NPR2: variants seen among roughly 807,000 people sequenced by gnomAD.
NPR2 encodes the protein atrial natriuretic peptide receptor 2.
A neutral mutation model predicts 120.7 loss-of-function variants in NPR2; 49 were observed. That is an observed-to-expected ratio of 0.41 (90% CI 0.32 to 0.52). The LOEUF (loss-of-function observed/expected upper bound fraction) is 0.52, where lower values mean the gene tolerates loss of function less well. Among genes scored for constraint, NPR2 ranks in the 20% least tolerant of loss-of-function variants. The pLI, the probability that NPR2 is intolerant of heterozygous loss-of-function variation, is 0.36. For synonymous variants in NPR2, 484 were observed against 519.8 expected (o/e 0.93, Z 0.94); for missense variants, 931 against 1,362.9 (o/e 0.68, Z 4.99).
At chr9:35,799,800 C>T in intron 3 of NPR2, 69 bp downstream of exon 3, 1 of 1,455,904 alleles carries the variant, frequency 6.9e-7, no homozygotes, top group Non-Finnish European at 9.6e-7. Flanking sequence ...CCAAACTCAG[C>T]ATCAAGTCTT....
In NPR2 at chr9:35,800,688, C is replaced by T; in HGVS notation, c.1219-21C>T. 1 of 1,614,034 alleles carries T rather than the reference C, an allele frequency of 6.2e-7. No individual in the cohort carries two copies. Among genetic ancestry groups the T allele is most frequent in the Non-Finnish European group, 8.5e-7 (1 of 1,180,002 alleles). On this transcript the variant is annotated intron_variant, in intron 5 of 21. Coordinates refer to ENST00000342694, the MANE Select transcript of NPR2 (RefSeq NM_003995.4). This position sits in a 1 kb window ranked among gnomAD's most constrained non-coding sequence, Gnocchi z 4.7. ...GCTGGTGGGAGCAGGCCTGTGGGCC[C>T]AGCTTTTTGCTTCCTTACAGCCTGC... is the stretch of plus-strand genomic sequence containing the variant.
chr9:35,802,670 C>A lies in NPR2; in HGVS notation c.1816-62C>A. 1 of 1,474,536 alleles carries A rather than the reference C, an allele frequency of 6.8e-7. No individual in the cohort carries two copies. Among genetic ancestry groups the A allele is most frequent in the Non-Finnish European group, 9.5e-7 (1 of 1,052,752 alleles). The allele number at this position is 1,474,536 out of a possible 1,614,324, so 91.3% of individuals were successfully genotyped here. On this transcript the variant is annotated intron_variant, in intron 11 of 21. Coordinates refer to ENST00000342694, the MANE Select transcript of NPR2 (RefSeq NM_003995.4). The surrounding 1 kb of genome is among the most constrained non-coding windows in gnomAD (Gnocchi z 4.2). ...AAGGATAGACCCAAAGTTATACTGA[C>A]TCTATGCTGGGTGATAGCTGGTGGG...
Position 35,791,985 on chromosome 9 carries a change from C to A in NPR2, c.-424C>A, listed in dbSNP as rs893633522. The stretch of plus-strand genomic sequence containing the variant: ...GTGGCGCAGCGCCCTCCTGCCCTCC[C>A]GGCCCTTTCAGCTGTGAGGTTCCCC... On this transcript the variant is annotated 5_prime_UTR_variant, in exon 1 of 22. Transcript: ENST00000342694. 4.6e-5 allele frequency among the ~76,000 whole-genome samples: 7 copies of A among 152,032 alleles called. No homozygotes were observed. Among genetic ancestry groups the A allele is most frequent in the Non-Finnish European group, 1.0e-4 (7 of 67,948 alleles).
At chr9:35,801,247 G>C in intron 7 of NPR2, 93 bp downstream of exon 7, 1 of 923,860 alleles carries the variant, frequency 1.1e-6, no homozygotes, top group Non-Finnish European at 1.8e-6. Context: ...GTGGGATAGG[G>C]TAGTAGGTTT....
At chr9:35,793,708 T>C (rs1018298342) in intron 1 of NPR2, among the ~76,000 whole-genome samples, 190 bp from the exon 2 acceptor site, 1 of 151,980 alleles carries the variant, frequency 6.6e-6, no homozygotes, top group Non-Finnish European at 1.5e-5. Context: ...TGCCAGATGG[T>C]CCATATGGCC....
rs1828191059 is a variant in NPR2 at position 35,802,113 on chromosome 9, G to A, written c.1633-93G>A. On this transcript the variant is annotated intron_variant, in intron 9 of 21. Transcript: ENST00000342694. The surrounding 1 kb of genome is among the most constrained non-coding windows in gnomAD (Gnocchi z 4.2). ...CATACCCGACTCTCTGTGCCCAGCT[G>A]AGCTCCTGGGTGCTTCCACTGCTCT... The A allele has an allele frequency of 7.6e-7, 1 of 1,312,500 alleles. No homozygotes were observed. Among genetic ancestry groups the A allele is most frequent in the Admixed American group, 1.7e-5 (1 of 59,608 alleles). The allele number at this position is 1,312,500 out of a possible 1,614,324, so 81.3% of individuals were successfully genotyped here.
intron 2 of NPR2, among the ~76,000 whole-genome samples, chr9:35,795,702 C>A (rs1357426885): frequency 6.6e-6 from 1 of 152,346 alleles, no homozygotes; most frequent in Middle Eastern, 3.4e-3. Context: ...ACAATCTTCT[C>A]ACCTTTGTCT....
chr9:35,801,547 C>T (rs1007033598), intron 7 of NPR2, 96 bp from the exon 8 acceptor site: 26 of 1,329,138 alleles, frequency 2.0e-5, no homozygotes, highest in Non-Finnish European at 2.7e-5. Flanking sequence ...ACAGTTGCAG[C>T]TTCAGGAGCT....
Position 35,793,038 on chromosome 9 carries a change from C to T in NPR2, c.630C>T (p.Pro210=), listed in dbSNP as rs911352449. The T allele has an allele frequency of 1.9e-6, 3 of 1,605,576 alleles. No individual in the cohort carries two copies. Among genetic ancestry groups the T allele is most frequent in the Non-Finnish European group, 2.6e-6 (3 of 1,176,108 alleles). ...TGTATGCCCGAGAGCCAGGGGGCCC[C>T]GAGCAGGCCACCCACTTCATCCGGG... ...HQVYAREPGG[P]EQATHFIRAN... is the part of the protein sequence containing the mutation. Residue 210 remains proline (P), a synonymous_variant, in exon 1 of 22, where the codon CCC becomes CCT. Coordinates refer to ENST00000342694, the MANE Select transcript of NPR2 (RefSeq NM_003995.4).
In NPR2 at chr9:35,806,455, G is replaced by A. The variant is rs762863996; in HGVS notation, c.2436G>A (p.Leu812=). ...LLRMEQYANN[L]EKLVEERTQA... ...GCATGGAACAGTATGCCAATAACTT[G>A]GAGAAGCTGGTGGAGGAACGCACAC... Residue 812 remains leucine (L), a synonymous_variant, in exon 16 of 22, where the codon TTG becomes TTA. Transcript: ENST00000342694. The surrounding 1 kb of genome is among the most constrained non-coding windows in gnomAD (Gnocchi z 4.6). 4.3e-6 allele frequency: 7 copies of A among 1,614,080 alleles called. No homozygotes were observed.
At position 35,807,101 on chromosome 9, in the gene NPR2, C is replaced by T; in HGVS notation, c.2598C>T (p.Asp866=). Reference sequence around the variant, plus strand: ...ACAGTGTTACCATCTACTTCAGTGACATTGTTGGCTTCACAGCATTGTCAG... The same window carrying T: ...ACAGTGTTACCATCTACTTCAGTGATATTGTTGGCTTCACAGCATTGTCAG... ...AFDSVTIYFS[D]IVGFTALSAE... Residue 866 remains aspartate (D), a synonymous_variant, in exon 17 of 22, where the codon GAC becomes GAT. Coordinates refer to ENST00000342694, the MANE Select transcript of NPR2 (RefSeq NM_003995.4). The T allele has an allele frequency of 1.4e-6, 2 of 1,453,056 alleles. No homozygotes were observed. The highest frequency in any genetic ancestry group is 1.8e-6 in the Non-Finnish European group (2 of 1,082,400). The allele number at this position is 1,453,056 out of a possible 1,614,324, so 90.0% of individuals were successfully genotyped here.
intron 1 of NPR2, 62 bp downstream of exon 1, chr9:35,793,137 A>C: frequency 3.4e-6 from 5 of 1,472,674 alleles, no homozygotes; most frequent in Non-Finnish European, 4.5e-6. Flanking sequence ...CCTAAAGCTC[A>C]GCACTGGGGA....
Position 35,802,044 on chromosome 9 carries a change from GTC to G in NPR2, c.1632+47_1632+48del, listed in dbSNP as rs775047527. 1 of 1,573,906 alleles carries G rather than the reference GTC, an allele frequency of 6.4e-7. No individual in the cohort carries two copies. Among genetic ancestry groups the G allele is most frequent in the African/African-American group, 1.3e-5 (1 of 74,078 alleles). ...GTTCTGGTCCCCACCATTTCATCCT[GTC>G]TCATCCCCATCTGCCACCTCTGCCC... On this transcript the variant is annotated intron_variant, in intron 9 of 21. Coordinates refer to ENST00000342694, the MANE Select transcript of NPR2 (RefSeq NM_003995.4). The surrounding 1 kb of genome is among the most constrained non-coding windows in gnomAD (Gnocchi z 4.2).
chr9:35,805,990 G>C lies in NPR2; in HGVS notation c.2203+5G>C, dbSNP rs754505846. 3.1e-6 allele frequency: 5 copies of C among 1,614,214 alleles called. No individual in the cohort carries two copies. Among genetic ancestry groups the C allele is most frequent in the Non-Finnish European group, 4.2e-6 (5 of 1,180,038 alleles). On this transcript the variant is annotated splice_donor_5th_base_variant and intron_variant, in intron 14 of 21. Coordinates refer to ENST00000342694, the MANE Select transcript of NPR2 (RefSeq NM_003995.4). This position sits in a 1 kb window ranked among gnomAD's most constrained non-coding sequence, Gnocchi z 4.9. ...GCCTGGACCTCAGCCCCAAAGGTAA[G>C]AGTCAATCCACTACCCACAGCCTCT... is the stretch of plus-strand genomic sequence containing the variant.
chr9:35,792,251 C>G lies in NPR2; in HGVS notation c.-158C>G. 1 of 666,308 alleles carries G rather than the reference C, an allele frequency of 1.5e-6. No individual in the cohort carries two copies. The highest frequency in any genetic ancestry group is 3.0e-5 in the East Asian group (1 of 33,134). The allele number at this position is 666,308 out of a possible 1,614,324, so 41.3% of individuals were successfully genotyped here. Reference sequence around the variant, plus strand: ...CCTTCCTCCCATCTCCCCCTCCTCTCCCCGGCCCCCAGCACCTTCTGCATC... The same window carrying G: ...CCTTCCTCCCATCTCCCCCTCCTCTGCCCGGCCCCCAGCACCTTCTGCATC... On this transcript the variant is annotated 5_prime_UTR_variant, in exon 1 of 22. Transcript: ENST00000342694.
intron 3 of NPR2, 87 bp downstream of exon 3, chr9:35,799,818 G>T (rs1306722211): frequency 7.8e-6 from 11 of 1,417,336 alleles, no homozygotes; most frequent in Non-Finnish European, 5.0e-6. Context: ...CTTGGCTGTG[G>T]AGCAAGCCCA....
chr9:35,796,496 A>C (rs1164706594), intron 2 of NPR2, among the ~76,000 whole-genome samples: 1 of 152,108 alleles, frequency 6.6e-6, no homozygotes. Context: ...GCTGTATTCT[A>C]TTTGTGGAAG....
rs1344408371 is a variant in NPR2, at chr9:35,805,504, C to A, written c.1888-7C>A. The stretch of plus-strand genomic sequence containing the variant: ...TCCAATCCCATGACTTGATCTGTAC[C>A]CTGCAGGGCATGGCCTTTCTCCACA... On this transcript the variant is annotated splice_polypyrimidine_tract_variant and splice_region_variant and intron_variant, in intron 12 of 21. Transcript: ENST00000342694. The surrounding 1 kb of genome is among the most constrained non-coding windows in gnomAD (Gnocchi z 4.9). 5 of 1,613,946 alleles carry A rather than the reference C, an allele frequency of 3.1e-6. No homozygotes were observed. The highest frequency in any genetic ancestry group is 1.6e-4 in the Middle Eastern group (1 of 6,070).
At chr9:35,803,997 GCA>G (rs1472500671) in intron 12 of NPR2, among the ~76,000 whole-genome samples, 2 of 152,144 alleles carry the variant, frequency 1.3e-5, no homozygotes, top group African/African-American at 4.8e-5. Flanking sequence ...GGCATCCTTT[GCA>G]CAGTTTCCAC....
Sources: gnomAD v4.1 joint callset for allele counts (sites outside exome capture counted in the v4.1 genomes callset) on GRCh38, gnomAD v4.1.1 for gene constraint, Gnocchi (gnomAD v3.1) non-coding constraint, MANE v1.5 for transcripts, NCBI Gene and HGNC (gene_info 2026-07-23, HGNC 2026-07-21) for gene names.